VPS33A: variants seen among roughly 807,000 people sequenced by gnomAD.
The protein encoded by VPS33A is vacuolar protein sorting-associated protein 33A.
A neutral mutation model predicts 71.8 loss-of-function variants in VPS33A; 32 were observed. The observed-to-expected ratio is 0.45, with a 90% confidence interval of 0.34 to 0.60. The LOEUF is 0.60. Ranked by LOEUF, VPS33A falls within the 20% of genes least tolerant of loss-of-function variation. The pLI is 0.02. For synonymous variants in VPS33A, 311 were observed against 292.7 expected, an observed-to-expected ratio of 1.06 and a Z score of -0.64; for missense variants, 625 against 748.5, an observed-to-expected ratio of 0.84 and a Z score of 1.92.
At chr12:122,246,449 G>A (rs1954777847) in intron 6 of VPS33A, among the ~76,000 whole-genome samples, 2 of 151,564 alleles carry the variant, frequency 1.3e-5, no homozygotes, top group South Asian at 4.2e-4. Flanking sequence ...ACAGGCGCCC[G>A]CCACCACACC....
At chr12:122,245,059 C>A (rs774631702) in intron 6 of VPS33A, among the ~76,000 whole-genome samples, 61 of 152,140 alleles carry the variant, frequency 4.0e-4, no homozygotes, top group Non-Finnish European at 8.4e-4. Context: ...CAAGGATCTC[C>A]CCATTGACTT....
intron 7 of VPS33A, among the ~76,000 whole-genome samples, chr12:122,243,401 T>TAA (rs11443213): frequency 3.2e-4 from 47 of 145,104 alleles, no homozygotes; most frequent in African/African-American, 1.1e-3. Context: ...CCCAGCTAGT[T>TAA]AAAAAAAAAA....
chr12:122,262,782 T>C (rs750898516), intron 3 of VPS33A, among the ~76,000 whole-genome samples: 4 of 152,000 alleles, frequency 2.6e-5, no homozygotes, highest in Non-Finnish European at 5.9e-5. Flanking sequence ...AGGATGATCC[T>C]CCTCTCCAAC....
At chr12:122,247,487 A>G (rs567751212) in intron 6 of VPS33A, among the ~76,000 whole-genome samples, 3 of 152,180 alleles carry the variant, frequency 2.0e-5, no homozygotes, top group Non-Finnish European at 4.4e-5. Flanking sequence ...TTTAAAAAGT[A>G]TTAAAGGTGC....
At position 122,231,292 on chromosome 12, in the gene VPS33A, G is replaced by A. The variant is rs1954556881; in HGVS notation, c.*954C>T. On this transcript the variant is annotated 3_prime_UTR_variant, in exon 13 of 13. Coordinates refer to ENST00000267199, the MANE Select transcript of VPS33A (RefSeq NM_022916.6). ...CCCTGATAAGTATGGAACCTAAGGA[G>A]ATGTAGCTGATCACATAGAGCATAA... is the stretch of plus-strand genomic sequence containing the variant. The A allele has an allele frequency of 1.3e-5, 2 of 152,232 alleles. No individual in the cohort carries two copies. Among genetic ancestry groups the A allele is most frequent in the Non-Finnish European group, 2.9e-5 (2 of 68,032 alleles). The allele number at this position is 152,232 out of a possible 1,614,324, so 9.4% of individuals were successfully genotyped here.
chr12:122,241,411 T>C (rs1954712995), intron 8 of VPS33A, among the ~76,000 whole-genome samples: 1 of 151,916 alleles, frequency 6.6e-6, no homozygotes, highest in African/African-American at 2.4e-5. Context: ...TTCAAGCAAT[T>C]CTCCTGCCTC....
At chr12:122,262,603 CT>C (rs5801474) in intron 3 of VPS33A, among the ~76,000 whole-genome samples, 219 of 138,402 alleles carry the variant, frequency 1.6e-3, no homozygotes, top group Non-Finnish European at 1.8e-3. Context: ...ATTTAATCAG[CT>C]TTTTTTTTTT....
Position 122,230,209 on chromosome 12 carries a change from C to T in VPS33A, c.*2037G>A, listed in dbSNP as rs990040807. On this transcript the variant is annotated 3_prime_UTR_variant, in exon 13 of 13. Transcript: ENST00000267199. The stretch of plus-strand genomic sequence containing the variant: ...TTCAATTATTATCTCTGCCACTCTT[C>T]ATTCTTTCATTAAAGAGATTTTTAA... The T allele has an allele frequency of 1.3e-5, 2 of 152,222 alleles. No individual in the cohort carries two copies. The highest frequency in any genetic ancestry group is 2.9e-5 in the Non-Finnish European group (2 of 68,042). The allele number at this position is 152,222 out of a possible 1,614,324, so 9.4% of individuals were successfully genotyped here.
intron 4 of VPS33A, among the ~76,000 whole-genome samples, chr12:122,251,760 A>T (rs918013769): frequency 6.7e-5 from 10 of 150,072 alleles, no homozygotes; most frequent in African/African-American, 2.2e-4. Context: ...AACATCACAC[A>T]CCAGGGCCTG....
At chr12:122,243,751 GA>G (rs529678098) in intron 7 of VPS33A, among the ~76,000 whole-genome samples, 3 of 149,856 alleles carry the variant, frequency 2.0e-5, no homozygotes, top group African/African-American at 7.3e-5. Context: ...CATCTCTACA[GA>G]AAAAAAAACA....
chr12:122,245,988 T>C (rs1954771231), intron 6 of VPS33A, among the ~76,000 whole-genome samples: 1 of 152,176 alleles, frequency 6.6e-6, no homozygotes, highest in South Asian at 2.1e-4. Flanking sequence ...CTCTGCGAAG[T>C]AGCCTTAATC....
Position 122,232,220 on chromosome 12 carries a change from C to T in VPS33A, c.*26G>A. ...CAAAGAGGTAGTTTATTCTGCAGTA[C>T]ACTTGTTAAGTCTCCTCTGAACATC... On this transcript the variant is annotated 3_prime_UTR_variant, in exon 13 of 13. Coordinates refer to ENST00000267199, the MANE Select transcript of VPS33A (RefSeq NM_022916.6). 1.9e-6 allele frequency: 3 copies of T among 1,589,062 alleles called. No individual in the cohort carries two copies. Among genetic ancestry groups the T allele is most frequent in the South Asian group, 2.3e-5 (2 of 87,152 alleles).
chr12:122,235,832 G>C lies in VPS33A; in HGVS notation c.1394C>G (p.Thr465Ser). The C allele has an allele frequency of 6.2e-7, 1 of 1,613,880 alleles. No individual in the cohort carries two copies. The highest frequency in any genetic ancestry group is 8.5e-7 in the Non-Finnish European group (1 of 1,179,934). ...CCAGAGGCGTAATGTTTTCCGTATA[G>C]TTGGGTAATTGTTTCTGCCCCCCGT... ...PQTGGRNNYP[T>S]IRKTLRLWMD... Residue 465 changes from threonine (T) to serine (S), a missense_variant, in exon 11 of 13, where the codon ACT (threonine) becomes AGT (serine). Coordinates refer to ENST00000267199, the MANE Select transcript of VPS33A (RefSeq NM_022916.6).
intron 10 of VPS33A, among the ~76,000 whole-genome samples, chr12:122,238,367 C>T (rs1391484956): frequency 3.9e-5 from 6 of 152,132 alleles, no homozygotes; most frequent in Admixed American, 3.9e-4. Context: ...ACTACAGGTG[C>T]ATGCTACCAT....
At chr12:122,261,645 G>A (rs1425179845) in intron 3 of VPS33A, among the ~76,000 whole-genome samples, 198 bp from the exon 4 acceptor site, 2 of 152,144 alleles carry the variant, frequency 1.3e-5, no homozygotes. Flanking sequence ...AAGGCGGGCG[G>A]ATCAGTTGAG....
intron 4 of VPS33A, among the ~76,000 whole-genome samples, chr12:122,259,867 T>C (rs1055660753): frequency 2.7e-5 from 4 of 149,394 alleles, no homozygotes; most frequent in Admixed American, 6.7e-5. Context: ...AAAATAAAAA[T>C]AGAAAAAAAA....
At chr12:122,263,789 G>T in intron 2 of VPS33A, 90 bp from the exon 3 acceptor site, 2 of 1,391,910 alleles carry the variant, frequency 1.4e-6, no homozygotes, top group Non-Finnish European at 9.6e-7. Flanking sequence ...CCCCAATCAA[G>T]TGCACATTAA....
chr12:122,252,690 T>C (rs1358889526), intron 4 of VPS33A, among the ~76,000 whole-genome samples: 1 of 152,154 alleles, frequency 6.6e-6, no homozygotes, highest in Non-Finnish European at 1.5e-5. Flanking sequence ...CAGATTGCCT[T>C]GTTCTGAATC....
intron 4 of VPS33A, among the ~76,000 whole-genome samples, chr12:122,258,257 GA>G (rs1954945146): frequency 6.6e-6 from 1 of 151,942 alleles, no homozygotes; most frequent in Non-Finnish European, 1.5e-5. Flanking sequence ...CTCTTAGAAG[GA>G]AACATCAGAG....
Sources: gnomAD v4.1 joint callset for allele counts (sites outside exome capture counted in the v4.1 genomes callset) on GRCh38, gnomAD v4.1.1 for gene constraint, MANE v1.5 for transcripts, NCBI Gene and HGNC (gene_info 2026-07-23, HGNC 2026-07-21) for gene names.